Variants in NEDD4 observed in about 807,000 individuals in gnomAD.
The protein encoded by NEDD4 is NEDD4 E3 ubiquitin protein ligase, also known as E3 ubiquitin-protein ligase NEDD4.
Under a neutral mutation model 144.9 loss-of-function variants are expected in NEDD4, and 99 were observed. The ratio of observed to expected loss-of-function variants is 0.68; its 90% CI spans 0.58 to 0.81. The LOEUF is 0.81. NEDD4 is among the 30% of genes least tolerant of loss of function. The pLI, the probability that NEDD4 is intolerant of heterozygous loss-of-function variation, is 0.00. For synonymous variants in NEDD4, 318 were observed against 350.6 expected, an observed-to-expected ratio of 0.91 and a Z score of 1.04; for missense variants, 985 against 1,065.9, an observed-to-expected ratio of 0.92 and a Z score of 1.06.
chr15:55,840,605 C>A lies in NEDD4; in HGVS notation c.1960+1G>T, dbSNP rs753252785. 3.1e-6 allele frequency: 5 copies of A among 1,613,836 alleles called. No homozygotes were observed. The highest frequency in any genetic ancestry group is 1.3e-5 in the African/African-American group (1 of 74,896). ...GTAAAAAGTTTATACTTAATACTAA[C>A]CATCCAACAGTTTGCCATGATAAAC... is the stretch of plus-strand genomic sequence containing the variant. On this transcript the variant is annotated splice_donor_variant, in intron 20 of 28. Coordinates refer to ENST00000435532, the MANE Select transcript of NEDD4 (RefSeq NM_006154.4). LOFTEE classifies it high-confidence loss of function.
chr15:55,840,133 T>A (rs138393120), intron 21 of NEDD4, among the ~76,000 whole-genome samples: 3 of 149,338 alleles, frequency 2.0e-5, no homozygotes, highest in African/African-American at 7.4e-5. Context: ...GGATGTTTAA[T>A]GTTATCTATA....
chr15:55,958,200 T>C (rs2037369715), intron 2 of NEDD4, among the ~76,000 whole-genome samples: 1 of 152,250 alleles, frequency 6.6e-6, no homozygotes, highest in South Asian at 2.1e-4. Flanking sequence ...GCCACCTTTG[T>C]ATTTTATGTT....
Position 55,852,499 on chromosome 15 carries a change from T to C in NEDD4, c.1071A>G (p.Lys357=), listed in dbSNP as rs1225270528. 43 of 1,613,000 alleles carry C rather than the reference T, an allele frequency of 2.7e-5. No individual in the cohort carries two copies. Among genetic ancestry groups the C allele is most frequent in the Non-Finnish European group, 3.6e-5 (43 of 1,179,538 alleles). Residue 357 remains lysine (K), a synonymous_variant, in exon 13 of 29, where the codon AAA becomes AAG. Coordinates refer to ENST00000435532, the MANE Select transcript of NEDD4 (RefSeq NM_006154.4). ...SSGLPPGWEE[K]QDERGRSYYV... The stretch of plus-strand genomic sequence containing the variant: ...AATATGATCTTCCTCTTTCATCTTG[T>C]TTTTCTTCCCAACCTGGTGGTAATC...
intron 7 of NEDD4, among the ~76,000 whole-genome samples, chr15:55,871,731 A>G (rs1432412844): frequency 6.6e-6 from 1 of 152,200 alleles, no homozygotes; most frequent in African/African-American, 2.4e-5. Flanking sequence ...TACATTTTCA[A>G]ATGCATTTTA....
At chr15:55,954,616 C>T (rs2037304419) in intron 2 of NEDD4, among the ~76,000 whole-genome samples, 1 of 152,096 alleles carries the variant, frequency 6.6e-6, no homozygotes, top group African/African-American at 2.4e-5. Flanking sequence ...CCTCCGCCTC[C>T]CAGGTTCAAG....
chr15:55,841,966 G>A lies in NEDD4; in HGVS notation c.1806C>T (p.Asn602=), dbSNP rs758565837. 1 of 1,613,966 alleles carries A rather than the reference G, an allele frequency of 6.2e-7. No homozygotes were observed. Among genetic ancestry groups the A allele is most frequent in the African/African-American group, 1.3e-5 (1 of 75,028 alleles). Residue 602 remains asparagine (N), a synonymous_variant, in exon 19 of 29, where the codon AAC becomes AAT. Coordinates refer to ENST00000435532, the MANE Select transcript of NEDD4 (RefSeq NM_006154.4). ...WFFLISKEMF[N]PYYGLFEYSA... ...AATATTCAAACAACCCATAATAAGGGTTAAACATTTCCTTTGAGATCAGGA... is the reference window on the plus strand; with the variant it reads ...AATATTCAAACAACCCATAATAAGGATTAAACATTTCCTTTGAGATCAGGA...
chr15:55,902,632 C>G (rs1179809741), intron 5 of NEDD4, among the ~76,000 whole-genome samples: 3 of 151,952 alleles, frequency 2.0e-5, no homozygotes, highest in Non-Finnish European at 4.4e-5. Context: ...GAAATTTTCC[C>G]TAACGAAAAG....
rs1490514704 is a variant in NEDD4 at position 55,955,871 on chromosome 15, G to C, written c.120-4282C>G. Among the ~76,000 whole-genome samples, 5 of 148,190 alleles carry C rather than the reference G, an allele frequency of 3.4e-5. No homozygotes were observed. The East Asian group carries it at 1.0e-3, about 30-fold the overall frequency. ...CGCTTTGTCACCTAGGCTGGAGTAA[G>C]GTGGCACAAACACGGCTCACTGTAG... is the stretch of plus-strand genomic sequence containing the variant. On this transcript the variant is annotated intron_variant, in intron 2 of 28. Transcript: ENST00000435532.
At chr15:55,945,326 G>C (rs1217524057) in intron 4 of NEDD4, among the ~76,000 whole-genome samples, 2 of 152,198 alleles carry the variant, frequency 1.3e-5, no homozygotes, top group Non-Finnish European at 2.9e-5. Context: ...TAAATGACCT[G>C]ATGGAGCTGA....
chr15:55,882,406 T>C (rs1292437200), intron 5 of NEDD4, among the ~76,000 whole-genome samples: 1 of 152,128 alleles, frequency 6.6e-6, no homozygotes, highest in African/African-American at 2.4e-5. Context: ...TGGAACTCAG[T>C]GCTGCATTGT....
Position 55,848,416 on chromosome 15 carries a change from G to A in NEDD4, c.1498C>T (p.Gln500Ter). 1 of 1,613,984 alleles carries A rather than the reference G, an allele frequency of 6.2e-7. No individual in the cohort carries two copies. ...TTCTCCAACCGAGGATCTTCCCATT[G>A]TGTTCTTTTTATATCTGAAGGGAAG... ...FYINHNIKRTQWEDPRLENVA... is the reference protein window; with the variant it reads ...FYINHNIKRT The change falls in exon 17 of 29, where the codon CAA (glutamine) becomes TAA (stop). Residue 500 changes from glutamine (Q) to a stop codon, truncating the protein, a stop_gained. Transcript: ENST00000435532. LOFTEE classifies it high-confidence loss of function.
At chr15:55,971,168 T>C (rs1447402506) in intron 1 of NEDD4, among the ~76,000 whole-genome samples, 1 of 152,044 alleles carries the variant, frequency 6.6e-6, no homozygotes, top group African/African-American at 2.4e-5. Context: ...AAAGAATGCA[T>C]CAGAATCTCT....
intron 4 of NEDD4, among the ~76,000 whole-genome samples, chr15:55,933,496 G>A (rs1271768856): frequency 4.2e-5 from 6 of 144,092 alleles, no homozygotes; most frequent in Non-Finnish European, 7.6e-5. Context: ...ACTTGGACAC[G>A]GGAAGGGGAA....
intron 5 of NEDD4, among the ~76,000 whole-genome samples, chr15:55,917,980 C>T (rs184509624): frequency 1.7e-4 from 26 of 152,104 alleles, no homozygotes. Context: ...GTCTCAATGC[C>T]AATTCTGTTC....
intron 1 of NEDD4, among the ~76,000 whole-genome samples, chr15:55,989,637 C>T (rs1308797902): frequency 6.6e-6 from 1 of 152,220 alleles, no homozygotes; most frequent in Non-Finnish European, 1.5e-5. Context: ...ATAGCGGAGA[C>T]TCTGAACTCT....
rs546489584 is a variant in NEDD4, at chr15:55,863,067, C to A, written c.520G>T (p.Val174Phe). ...CAAGCAGCATCTGGTTGGTCCAAAA[C>A]AACCCAGCCAGGCTGAAAAACAGGA... ...QAEELEPGWV[V>F]LDQPDAACHL... The change falls in exon 9 of 29, where the codon GTT (valine) becomes TTT (phenylalanine). Residue 174 changes from valine (V) to phenylalanine (F), a missense_variant. By Grantham distance (50) the Val-to-Phe change is conservative (BLOSUM62 -1). Transcript: ENST00000435532. 5 of 1,579,700 alleles carry A rather than the reference C, an allele frequency of 3.2e-6. No homozygotes were observed. In the South Asian group the frequency reaches 5.8e-5, roughly 18 times the overall value.
intron 2 of NEDD4, among the ~76,000 whole-genome samples, chr15:55,956,566 G>A (rs2037341262): frequency 6.6e-6 from 1 of 152,068 alleles, no homozygotes; most frequent in Non-Finnish European, 1.5e-5. Context: ...AGCATTTTTT[G>A]TTAAACAGGA....
At chr15:55,876,407 A>C (rs2034995341) in intron 5 of NEDD4, among the ~76,000 whole-genome samples, 1 of 149,386 alleles carries the variant, frequency 6.7e-6, no homozygotes, top group Non-Finnish European at 1.5e-5. Context: ...TGTTGTATAC[A>C]AAAAAAAAAT....
chr15:55,944,323 C>G (rs1441399978), intron 4 of NEDD4, among the ~76,000 whole-genome samples: 1 of 152,226 alleles, frequency 6.6e-6, no homozygotes, highest in Non-Finnish European at 1.5e-5. Flanking sequence ...AACTGGCAGA[C>G]CAGGAGATTC....
Sources: allele counts gnomAD v4.1 joint callset (sites outside exome capture counted in the v4.1 genomes callset), GRCh38; gene constraint gnomAD v4.1.1; transcripts MANE v1.5; gene names NCBI Gene and HGNC (gene_info 2026-07-23, HGNC 2026-07-21).